EIF4G3: variants seen among roughly 807,000 people sequenced by gnomAD.
EIF4G3 encodes the protein eukaryotic translation initiation factor 4 gamma 3, also known as eIF-4-gamma 3.
A neutral mutation model predicts 186.4 loss-of-function variants in EIF4G3; 34 were observed. The ratio of observed to expected loss-of-function variants is 0.18; its 90% CI spans 0.14 to 0.24. EIF4G3 has a LOEUF of 0.24. Among genes scored for constraint, EIF4G3 ranks in the 10% least tolerant of loss-of-function variants. The pLI, the probability that EIF4G3 is intolerant of heterozygous loss-of-function variation, is 1.00. For synonymous variants in EIF4G3, 673 were observed against 679.5 expected, an observed-to-expected ratio of 0.99 and a Z score of 0.15; for missense variants, 1,536 against 1,948.5, an observed-to-expected ratio of 0.79 and a Z score of 3.99.
In EIF4G3 at chr1:20,813,246, T is replaced by C; in HGVS notation, c.4516-7A>G. The stretch of plus-strand genomic sequence containing the variant: ...GGATTTCGTCTAGATTAGCCTGAAG[T>C]CAAAAAGAAATAAAACAATTAAAGA... On this transcript the variant is annotated splice_region_variant and splice_polypyrimidine_tract_variant and intron_variant, in intron 34 of 36. Coordinates refer to ENST00000602326, the MANE Select transcript of EIF4G3 (RefSeq NM_001391906.1). 2 of 1,608,100 alleles carry C rather than the reference T, an allele frequency of 1.2e-6. No homozygotes were observed. Among genetic ancestry groups the C allele is most frequent in the Non-Finnish European group, 1.7e-6 (2 of 1,175,570 alleles).
At chr1:21,175,550 AT>A (rs1297414431) in intron 2 of EIF4G3, 1 of 152,166 alleles carries the variant, frequency 6.6e-6, no homozygotes, top group Non-Finnish European at 1.5e-5. Flanking sequence ...CCGGCGTCAC[AT>A]TTCCTCCTCA....
chr1:20,909,204 C>T (rs1232662021), intron 14 of EIF4G3, among the ~76,000 whole-genome samples: 1 of 151,908 alleles, frequency 6.6e-6, no homozygotes, highest in Non-Finnish European at 1.5e-5. Flanking sequence ...TGTTGTACGT[C>T]TTAAAGGGAT....
In EIF4G3 at chr1:20,851,273, T is replaced by C. The variant is rs1347338717; in HGVS notation, c.3757A>G (p.Lys1253Glu). The C allele has an allele frequency of 1.2e-6, 2 of 1,614,100 alleles. No individual in the cohort carries two copies. Among genetic ancestry groups the C allele is most frequent in the Non-Finnish European group, 1.7e-6 (2 of 1,180,054 alleles). ...AGTCTCTCACCTGACTCCCTTGTTT[T>C]ATTTCGCTCAGCCTCAGTGCTGTTC... Reference protein sequence around the residue: ...ERNSTEAERNKTRESAKPEIS... With the variant: ...ERNSTEAERNETRESAKPEIS... Residue 1253 changes from lysine to glutamate, a missense_variant, in exon 28 of 37, where the codon AAA (lysine) becomes GAA (glutamate). Physicochemically the swap from Lys to Glu is moderately conservative, Grantham distance 56. Around this residue, in one of 11 missense-constraint regions of EIF4G3, gnomAD observed 395 missense variants for 498.9 expected, o/e 0.79. Coordinates refer to ENST00000602326, the MANE Select transcript of EIF4G3 (RefSeq NM_001391906.1).
chr1:21,061,708 A>C (rs922416392), intron 3 of EIF4G3, among the ~76,000 whole-genome samples: 2 of 150,192 alleles, frequency 1.3e-5, no homozygotes, highest in Non-Finnish European at 3.0e-5. Context: ...GCTCACTCTC[A>C]TTATGTAATC....
intron 20 of EIF4G3, among the ~76,000 whole-genome samples, chr1:20,865,683 T>C (rs2077406463): frequency 1.3e-5 from 2 of 152,182 alleles, no homozygotes; most frequent in South Asian, 4.1e-4. Flanking sequence ...TTGCTGGTTA[T>C]CGCAAAACTG....
chr1:21,072,388 A>T (rs1041230695), intron 3 of EIF4G3, among the ~76,000 whole-genome samples: 1 of 151,886 alleles, frequency 6.6e-6, no homozygotes, highest in East Asian at 2.0e-4. Flanking sequence ...AAGACATTTA[A>T]TTTTTTTATT....
chr1:20,985,333 C>CTAAA (rs2079211793), intron 7 of EIF4G3, among the ~76,000 whole-genome samples: 1 of 152,128 alleles, frequency 6.6e-6, no homozygotes, highest in South Asian at 2.1e-4. Flanking sequence ...TGTTCATATG[C>CTAAA]TAAAAGCGTA....
chr1:20,983,836 G>A (rs1262086957), intron 7 of EIF4G3, among the ~76,000 whole-genome samples: 1 of 152,146 alleles, frequency 6.6e-6, no homozygotes. Context: ...GGGTGTTACG[G>A]GGTGGTAAGG....
At chr1:20,972,929 G>A in intron 11 of EIF4G3, 73 bp downstream of exon 11, 1 of 1,169,348 alleles carries the variant, frequency 8.6e-7, no homozygotes, top group Admixed American at 2.8e-5. Context: ...GATGAATAAT[G>A]ACTACGTAAA....
chr1:21,056,524 A>G (rs750300306), intron 3 of EIF4G3, among the ~76,000 whole-genome samples: 6 of 152,196 alleles, frequency 3.9e-5, no homozygotes, highest in Non-Finnish European at 8.8e-5. Flanking sequence ...ATCCTATCCC[A>G]AAGAAATGGC....
rs2098104009 is a variant in EIF4G3, at chr1:21,176,254, C to A, written c.-351G>T. On this transcript the variant is annotated 5_prime_UTR_variant, in exon 2 of 37. Transcript: ENST00000602326. Reference sequence around the variant, plus strand: ...GCTGCCGCCGCCGCCGCCGCCGCCGCCGCCGCCGCCGCTGCTGCCGCCGCC... The same window carrying A: ...GCTGCCGCCGCCGCCGCCGCCGCCGACGCCGCCGCCGCTGCTGCCGCCGCC... The A allele has an allele frequency of 2.6e-6, 1 of 379,682 alleles. No individual in the cohort carries two copies. Among genetic ancestry groups the A allele is most frequent in the East Asian group, 4.4e-5 (1 of 22,756 alleles). 23.5% of individuals were successfully genotyped at this position (379,682 alleles called of 1,614,324 possible). A position where few individuals can be genotyped will look rare whatever the true frequency, so the allele number is the denominator to read the frequency against.
At chr1:20,993,320 T>C (rs1227662494) in intron 7 of EIF4G3, among the ~76,000 whole-genome samples, 1 of 152,190 alleles carries the variant, frequency 6.6e-6, no homozygotes, top group Non-Finnish European at 1.5e-5. Flanking sequence ...CTTGATTCCA[T>C]TAAGAACAAA....
intron 2 of EIF4G3, among the ~76,000 whole-genome samples, chr1:21,131,050 G>A (rs1489062885): frequency 1.3e-5 from 2 of 151,794 alleles, no homozygotes; most frequent in Non-Finnish European, 2.9e-5. Flanking sequence ...GACCAGGCTG[G>A]CCAACATGGC....
chr1:20,856,531 A>G (rs2074950917), intron 25 of EIF4G3, among the ~76,000 whole-genome samples: 2 of 152,194 alleles, frequency 1.3e-5, no homozygotes, highest in African/African-American at 4.8e-5. Flanking sequence ...ACAATGATCA[A>G]CTTTTACTGC....
intron 2 of EIF4G3, among the ~76,000 whole-genome samples, chr1:21,112,282 T>C (rs2096739386): frequency 6.6e-6 from 1 of 152,146 alleles, no homozygotes; most frequent in Non-Finnish European, 1.5e-5. Flanking sequence ...TATTTGTAAA[T>C]TCACAACCAG....
intron 13 of EIF4G3, among the ~76,000 whole-genome samples, chr1:20,944,287 G>A (rs1178292200): frequency 1.3e-5 from 2 of 151,952 alleles, no homozygotes; most frequent in African/African-American, 4.8e-5. Context: ...GGCTGAGACG[G>A]GAGGATCTCT....
chr1:21,099,261 T>C (rs10916934), intron 2 of EIF4G3, among the ~76,000 whole-genome samples: 4,998 of 152,260 alleles, frequency 0.033, 270 homozygotes, highest in African/African-American at 0.11. Flanking sequence ...GTCCCACTCA[T>C]AGGTATTACC....
At chr1:20,901,528 T>C (rs184567824) in intron 15 of EIF4G3, among the ~76,000 whole-genome samples, 1 of 152,256 alleles carries the variant, frequency 6.6e-6, no homozygotes. Flanking sequence ...TGCATCCTCT[T>C]CTCTGTACCT....
rs71014161 is a variant in EIF4G3, at chr1:21,151,236, C to CTT, written c.-272+24937_-272+24938dup. ...TTTAATGGTTATATAGTATTTCTTTCTTTTTTTTTTTTTTTTTTTTGAGAT... is the reference window on the plus strand; with the variant it reads ...TTTAATGGTTATATAGTATTTCTTTCTTTTTTTTTTTTTTTTTTTTTTGAGAT... On this transcript the variant is annotated intron_variant, in intron 2 of 36. Coordinates refer to ENST00000602326, the MANE Select transcript of EIF4G3 (RefSeq NM_001391906.1). Among the ~76,000 whole-genome samples, 5 of 80,410 alleles carry CTT rather than the reference C, an allele frequency of 6.2e-5. 1 individual carries two copies. Among genetic ancestry groups the CTT allele is most frequent in the Non-Finnish European group, 8.7e-5 (4 of 46,054 alleles). 52.8% of individuals were successfully genotyped at this position (80,410 alleles called of 152,430 possible). A position where few individuals can be genotyped will look rare whatever the true frequency, so the allele number is the denominator to read the frequency against.
Sources: allele counts gnomAD v4.1 joint callset (sites outside exome capture counted in the v4.1 genomes callset), GRCh38; gene constraint gnomAD v4.1.1; regional missense constraint gnomAD v4.1.1; transcripts MANE v1.5; gene names NCBI Gene and HGNC (gene_info 2026-07-23, HGNC 2026-07-21).